Variants in RAPGEF5 observed in about 807,000 individuals in gnomAD.
The protein encoded by RAPGEF5 is M-Ras-regulated GEF.
RAPGEF5 carries 65 observed loss-of-function variants against 125.2 expected under a neutral mutation model. The observed-to-expected ratio is 0.52, with a 90% CI of 0.43 to 0.64. The LOEUF (loss-of-function observed/expected upper bound fraction) is 0.64, where lower values mean the gene tolerates loss of function less well. Ranked by LOEUF, RAPGEF5 falls within the 30% of genes least tolerant of loss-of-function variation. The probability of loss-of-function intolerance (pLI) is 0.00; values close to 1 mark genes in which losing one functional copy is unlikely to be tolerated. For synonymous variants in RAPGEF5, 391 were observed against 385.9 expected, an observed-to-expected ratio of 1.01 and a Z score of -0.16; for missense variants, 958 against 1,048.1, an observed-to-expected ratio of 0.91 and a Z score of 1.19.
intron 2 of RAPGEF5, among the ~76,000 whole-genome samples, chr7:22,316,472 TA>T (rs1562525593): frequency 1.5e-3 from 78 of 53,592 alleles, no homozygotes; most frequent in African/African-American, 6.7e-3. Context: ...TATATATATA[TA>T]TATATATATA....
chr7:22,261,034 A>G (rs1460864371), intron 7 of RAPGEF5, among the ~76,000 whole-genome samples: 1 of 152,224 alleles, frequency 6.6e-6, no homozygotes. Flanking sequence ...AACATAAGGA[A>G]AACATTTTGA....
At chr7:22,325,144 A>T (rs1330032881) in intron 1 of RAPGEF5, among the ~76,000 whole-genome samples, 1 of 152,164 alleles carries the variant, frequency 6.6e-6, no homozygotes, top group South Asian at 2.1e-4. Flanking sequence ...TGAGCCTCCC[A>T]TGATTAATCT....
intron 2 of RAPGEF5, among the ~76,000 whole-genome samples, chr7:22,315,926 T>G (rs1187223105): frequency 6.6e-6 from 1 of 152,162 alleles, no homozygotes; most frequent in Non-Finnish European, 1.5e-5. Flanking sequence ...CCCTATCTAG[T>G]GAACATCTCG....
intron 1 of RAPGEF5, among the ~76,000 whole-genome samples, chr7:22,323,275 T>C (rs893202192): frequency 1.3e-5 from 2 of 152,192 alleles, no homozygotes; most frequent in African/African-American, 4.8e-5. Context: ...TAGAAACATG[T>C]TTCCCTACTT....
At chr7:22,174,539 T>C (rs1405760253) in intron 11 of RAPGEF5, among the ~76,000 whole-genome samples, 4 of 152,048 alleles carry the variant, frequency 2.6e-5, no homozygotes, top group Non-Finnish European at 5.9e-5. Context: ...CACTCACTTT[T>C]ACTGCCTGTG....
intron 1 of RAPGEF5, among the ~76,000 whole-genome samples, chr7:22,347,641 A>G (rs1409356102): frequency 6.6e-6 from 1 of 152,228 alleles, no homozygotes. Flanking sequence ...GTTAGACTGT[A>G]TAATATGGAG....
At chr7:22,134,717 C>T (rs899600628) in intron 23 of RAPGEF5, among the ~76,000 whole-genome samples, 3 of 152,120 alleles carry the variant, frequency 2.0e-5, no homozygotes, top group African/African-American at 7.2e-5. Context: ...TGTTACTTCC[C>T]ACCTGCCACC....
rs1264129599 is a variant in RAPGEF5 at position 22,160,181 on chromosome 7, TAGAG to T, written c.1526+333_1526+336del. Among the ~76,000 whole-genome samples, 6 of 152,076 alleles carry T rather than the reference TAGAG, an allele frequency of 3.9e-5. No homozygotes were observed. In the East Asian group the frequency reaches 1.2e-3, roughly 29 times the overall value. ...TATAAAACTTTTCCTCCCCATTCCA[TAGAG>T]ATAGTTACAAGCCCCAAAATGACAA... On this transcript the variant is annotated intron_variant, in intron 14 of 25. Transcript: ENST00000665637.
intron 1 of RAPGEF5, among the ~76,000 whole-genome samples, chr7:22,324,349 G>A (rs1583579226): frequency 1.3e-5 from 2 of 152,308 alleles, no homozygotes; most frequent in Middle Eastern, 3.4e-3. Context: ...CAGATGAGAG[G>A]AGACCAAAGG....
intron 6 of RAPGEF5, 133 bp downstream of exon 6, chr7:22,291,042 G>T (rs925002585): frequency 2.0e-6 from 2 of 987,768 alleles, no homozygotes; most frequent in Non-Finnish European, 2.8e-6. Flanking sequence ...CCTCTGCCTT[G>T]CCTCATACCT....
At chr7:22,333,848 G>C (rs760969838) in intron 1 of RAPGEF5, among the ~76,000 whole-genome samples, 7 of 147,398 alleles carry the variant, frequency 4.7e-5, no homozygotes, top group South Asian at 2.2e-4. Flanking sequence ...GAAACAGAGA[G>C]AGAACCAGAG....
chr7:22,171,881 T>C (rs953098825), intron 11 of RAPGEF5, among the ~76,000 whole-genome samples: 1 of 152,300 alleles, frequency 6.6e-6, no homozygotes, highest in African/African-American at 2.4e-5. Context: ...TTTGGGACTA[T>C]CCTCCCCACT....
intron 18 of RAPGEF5, 29 bp downstream of exon 18, chr7:22,150,378 G>C (rs770728239): frequency 3.1e-6 from 5 of 1,591,908 alleles, no homozygotes; most frequent in Non-Finnish European, 4.3e-6. Context: ...TGGCCTGTTT[G>C]TTTCAAATAC....
At chr7:22,276,676 A>C (rs1382944702) in intron 6 of RAPGEF5, among the ~76,000 whole-genome samples, 1 of 152,254 alleles carries the variant, frequency 6.6e-6, no homozygotes, top group African/African-American at 2.4e-5. Flanking sequence ...CCGAGATCCA[A>C]AAGTCTAAAA....
At chr7:22,248,907 T>C (rs1786548594) in intron 7 of RAPGEF5, among the ~76,000 whole-genome samples, 2 of 152,160 alleles carry the variant, frequency 1.3e-5, no homozygotes, top group Non-Finnish European at 1.5e-5. Flanking sequence ...ATCGGCAACA[T>C]TTCTAAATAC....
intron 11 of RAPGEF5, among the ~76,000 whole-genome samples, chr7:22,175,300 G>C (rs1264204207): frequency 6.6e-6 from 1 of 152,086 alleles, no homozygotes; most frequent in African/African-American, 2.4e-5. Flanking sequence ...CTTGGTGAAT[G>C]GTGGGGGCAT....
intron 7 of RAPGEF5, 82 bp downstream of exon 7, chr7:22,266,882 C>A: frequency 7.3e-7 from 1 of 1,374,064 alleles, no homozygotes; most frequent in Non-Finnish European, 1.0e-6. Context: ...CTGAGATACA[C>A]TCAACTGCAC....
rs533293970 is a variant in RAPGEF5, at chr7:22,229,433, A to C, written c.870+1413T>G. Among the ~76,000 whole-genome samples, 7 of 152,334 alleles carry C rather than the reference A, an allele frequency of 4.6e-5. No homozygotes were observed. The South Asian group carries it at 1.5e-3, about 32-fold the overall frequency. On this transcript the variant is annotated intron_variant, in intron 8 of 25. Transcript: ENST00000665637. ...TCAGAATCCACTTAACTTGCTTAAAATATGCTCTGGAATGAAGACTGAAGT... is the reference window on the plus strand; with the variant it reads ...TCAGAATCCACTTAACTTGCTTAAACTATGCTCTGGAATGAAGACTGAAGT...
At chr7:22,143,380 A>C (rs1405445638) in intron 20 of RAPGEF5, among the ~76,000 whole-genome samples, 2 of 152,178 alleles carry the variant, frequency 1.3e-5, no homozygotes, top group Non-Finnish European at 2.9e-5. Context: ...GTTTCAGACC[A>C]ACCTTCCTGA....
Sources: gnomAD v4.1 joint callset for allele counts (sites outside exome capture counted in the v4.1 genomes callset) on GRCh38, gnomAD v4.1.1 for gene constraint, MANE v1.5 for transcripts, NCBI Gene and HGNC (gene_info 2026-07-23, HGNC 2026-07-21) for gene names.